The following DSG1 variants were observed in gnomAD, a reference collection of about 807,000 sequenced individuals.
DSG1 encodes the protein desmoglein-1.
Under a neutral mutation model 97.5 loss-of-function variants are expected in DSG1, and 39 were observed. The observed-to-expected ratio is 0.40, with a 90% CI of 0.31 to 0.52. The LOEUF is 0.52. Ranked by LOEUF, DSG1 falls within the 20% of genes least tolerant of loss-of-function variation. The pLI, the probability that DSG1 is intolerant of heterozygous loss-of-function variation, is 0.53. For missense variants in DSG1, 1,311 were observed against 1,295.4 expected, an observed-to-expected ratio of 1.01 and a Z score of -0.18; for synonymous variants, 475 against 443.4, an observed-to-expected ratio of 1.07 and a Z score of -0.90.
At chr18:31,330,379 T>C (rs1284005998) in intron 5 of DSG1, among the ~76,000 whole-genome samples, 1 of 152,152 alleles carries the variant, frequency 6.6e-6, no homozygotes, top group Non-Finnish European at 1.5e-5. Flanking sequence ...CACCCTTTTC[T>C]GCTCTTACTG....
At chr18:31,318,942 A>C (rs2071637045) in intron 1 of DSG1, among the ~76,000 whole-genome samples, 1 of 152,138 alleles carries the variant, frequency 6.6e-6, no homozygotes, top group Admixed American at 6.6e-5. Flanking sequence ...AATTTCAAAA[A>C]ACGGCAGTAC....
At chr18:31,320,182 A>AT (rs2071644654) in intron 1 of DSG1, among the ~76,000 whole-genome samples, 1 of 151,974 alleles carries the variant, frequency 6.6e-6, no homozygotes, top group South Asian at 2.1e-4. Flanking sequence ...CCTAATCTGT[A>AT]TTTTTCTTTA....
At chr18:31,330,471 TA>T (rs566611307) in intron 5 of DSG1, among the ~76,000 whole-genome samples, 7 of 152,078 alleles carry the variant, frequency 4.6e-5, no homozygotes, top group Non-Finnish European at 1.5e-5. Flanking sequence ...TTTTGTGATT[TA>T]ACCTTTAAGT....
intron 14 of DSG1, among the ~76,000 whole-genome samples, chr18:31,351,887 G>A (rs1309963611): frequency 6.6e-6 from 1 of 151,820 alleles, no homozygotes; most frequent in Non-Finnish European, 1.5e-5. Context: ...TGGGTTTCCT[G>A]AATACAGCAC....
At chr18:31,323,976 C>CTTT (rs1203163479) in intron 1 of DSG1, among the ~76,000 whole-genome samples, 3,799 of 94,972 alleles carry the variant, frequency 0.04, 284 homozygotes, top group South Asian at 0.092. Flanking sequence ...TCTCTCCTTC[C>CTTT]TTTTTTTTTT....
chr18:31,358,878 A>G lies in DSG1; in HGVS notation c.*3532A>G, dbSNP rs536367054. The stretch of plus-strand genomic sequence containing the variant: ...CAAATCTGTCTTCCACTTCCGGATT[A>G]TTCAATTTATGTTAGGACAAATCTT... On this transcript the variant is annotated 3_prime_UTR_variant, in exon 15 of 15. Transcript: ENST00000257192. Among the ~76,000 whole-genome samples, 1 of 152,078 alleles carries G rather than the reference A, an allele frequency of 6.6e-6. No homozygotes were observed. The highest frequency in any genetic ancestry group is 1.5e-5 in the Non-Finnish European group (1 of 67,978).
Position 31,354,767 on chromosome 18 carries a change from A to G in DSG1, c.2571A>G (p.Arg857=), listed in dbSNP as rs1349437337. ...LKPSVHVHDN[R]PASNVVVTER... is the part of the protein sequence containing the mutation. The stretch of plus-strand genomic sequence containing the variant: ...CCTCTGTGCACGTTCACGATAACCG[A>G]CCAGCATCAAACGTGGTAGTGACAG... The change falls in exon 15 of 15, where the codon CGA becomes CGG. Residue 857 remains arginine, a synonymous_variant. Transcript: ENST00000257192. 12 of 1,614,114 alleles carry G rather than the reference A, an allele frequency of 7.4e-6. No homozygotes were observed. Among genetic ancestry groups the G allele is most frequent in the Non-Finnish European group, 1.0e-5 (12 of 1,180,026 alleles).
chr18:31,336,926 C>T (rs568366196), intron 9 of DSG1, among the ~76,000 whole-genome samples: 1 of 152,178 alleles, frequency 6.6e-6, no homozygotes, highest in Non-Finnish European at 1.5e-5. Context: ...TGATTCGTCT[C>T]TCAGAAGAGT....
chr18:31,329,138 C>T lies in DSG1; in HGVS notation c.373-754C>T, dbSNP rs2071704905. 3.9e-5 allele frequency among the ~76,000 whole-genome samples: 6 copies of T among 152,254 alleles called. No individual in the cohort carries two copies. The South Asian group carries it at 1.2e-3, about 32-fold the overall frequency. ...TCTCACAGCATATTCCAAGACATTT[C>T]CATGGTCCTATAATTGCCACTTACT... On this transcript the variant is annotated intron_variant, in intron 4 of 14. Transcript: ENST00000257192.
rs1218052878 is a variant in DSG1, at chr18:31,355,030, A to G, written c.2834A>G (p.Asn945Ser). The change falls in exon 15 of 15, where the codon AAT becomes AGT. Residue 945 changes from asparagine to serine, a missense_variant. By Grantham distance (46) the Asn-to-Ser change is conservative. Around this residue, in one of 3 missense-constraint regions of DSG1, gnomAD observed 1,038 missense variants for 964.6 expected, o/e 1.08. Coordinates refer to ENST00000257192, the MANE Select transcript of DSG1 (RefSeq NM_001942.4). ...CTGAGTATGCACCCCGAGTTAGCCA[A>G]TGCCCACAATGTCATTGTGACAGAG... ...GSLSMHPELA[N>S]AHNVIVTERV... 2 of 1,614,076 alleles carry G rather than the reference A, an allele frequency of 1.2e-6. No individual in the cohort carries two copies. The highest frequency in any genetic ancestry group is 3.3e-5 in the Admixed American group (2 of 60,014).
chr18:31,346,208 C>A lies in DSG1; in HGVS notation c.2100+10C>A. 6.2e-7 allele frequency: 1 copy of A among 1,607,780 alleles called. No homozygotes were observed. The highest frequency in any genetic ancestry group is 1.1e-5 in the South Asian group (1 of 90,816). ...AAGCTACTTCTGTCAGGTAAGGTCC[C>A]TAGCCACATGCCTTTCTCGCCATCC... On this transcript the variant is annotated intron_variant, in intron 14 of 14. Transcript: ENST00000257192.
chr18:31,331,233 T>C (rs907867304), intron 5 of DSG1, among the ~76,000 whole-genome samples: 4 of 152,120 alleles, frequency 2.6e-5, no homozygotes, highest in Admixed American at 1.3e-4. Flanking sequence ...GAACTTTATA[T>C]AGTTTTCTCT....
chr18:31,351,693 T>C (rs2071898082), intron 14 of DSG1, among the ~76,000 whole-genome samples: 2 of 150,936 alleles, frequency 1.3e-5, no homozygotes, highest in South Asian at 4.2e-4. Context: ...TTAGCTCTTC[T>C]TGTTGAATTG....
Position 31,343,588 on chromosome 18 carries a change from G to A in DSG1, c.1821+5G>A, listed in dbSNP as rs766156796. On this transcript the variant is annotated splice_donor_5th_base_variant and intron_variant, in intron 12 of 14. Coordinates refer to ENST00000257192, the MANE Select transcript of DSG1 (RefSeq NM_001942.4). ...GGACCACAGCCTGAACCCAGGGTAA[G>A]TGCCACATTCTAAGAAATAGCCGTT... 6.2e-7 allele frequency: 1 copy of A among 1,614,120 alleles called. No homozygotes were observed. Among genetic ancestry groups the A allele is most frequent in the South Asian group, 1.1e-5 (1 of 91,082 alleles).
At chr18:31,338,276 T>C (rs1598705496) in intron 9 of DSG1, 39 bp from the exon 10 acceptor site, 1 of 1,602,260 alleles carries the variant, frequency 6.2e-7, no homozygotes. Flanking sequence ...TTTTTTTAGA[T>C]AGCTGACATT....
intron 1 of DSG1, among the ~76,000 whole-genome samples, chr18:31,324,509 T>C (rs1405560482): frequency 6.6e-6 from 1 of 152,184 alleles, no homozygotes; most frequent in Non-Finnish European, 1.5e-5. Context: ...ATGTTTCCAA[T>C]TGCTGATCAT....
At chr18:31,328,059 T>C (rs1237729337) in intron 3 of DSG1, 130 bp from the exon 4 acceptor site, 2 of 873,536 alleles carry the variant, frequency 2.3e-6, no homozygotes, top group Admixed American at 2.7e-5. Context: ...TCTAGGAAAA[T>C]AATCTCCATT....
At chr18:31,334,716 G>T (rs1389449195) in intron 8 of DSG1, among the ~76,000 whole-genome samples, 3 of 152,068 alleles carry the variant, frequency 2.0e-5, no homozygotes, top group Non-Finnish European at 4.4e-5. Context: ...TGTGGCTGCT[G>T]ATCAAGGCTT....
In DSG1 at chr18:31,333,741, G is replaced by C. The variant is rs2071734736; in HGVS notation, c.819+18G>C. On this transcript the variant is annotated intron_variant, in intron 7 of 14. Transcript: ENST00000257192. ...AGTCTTCAGTAAGTATTTGTTCTTG[G>C]AATTAATAAATCTAAATTCGCTATA... 4 of 1,611,946 alleles carry C rather than the reference G, an allele frequency of 2.5e-6. No individual in the cohort carries two copies. Among genetic ancestry groups the C allele is most frequent in the Admixed American group, 1.7e-5 (1 of 59,964 alleles).
Sources: gnomAD v4.1 joint callset for allele counts (sites outside exome capture counted in the v4.1 genomes callset) on GRCh38, gnomAD v4.1.1 for gene constraint, gnomAD v4.1.1 regional missense constraint, MANE v1.5 for transcripts, NCBI Gene and HGNC (gene_info 2026-07-23, HGNC 2026-07-21) for gene names.